PMM2: variants seen among roughly 807,000 people sequenced by gnomAD.
PMM2 encodes the protein phosphomannomutase 2.
PMM2 carries 35 observed loss-of-function variants against 33.2 expected under a neutral mutation model. The observed-to-expected ratio is 1.06, with a 90% CI of 0.81 to 1.40. The LOEUF is 1.40. PMM2 is among the 40% of genes most tolerant of loss of function. The pLI is 0.00. For synonymous variants in PMM2, 153 were observed against 114.7 expected, an observed-to-expected ratio of 1.33 and a Z score of -2.13; for missense variants, 386 against 306.0, an observed-to-expected ratio of 1.26 and a Z score of -1.95.
intron 7 of PMM2, among the ~76,000 whole-genome samples, chr16:8,823,306 G>GA (rs964871488): frequency 1.1e-4 from 17 of 151,162 alleles, no homozygotes; most frequent in African/African-American, 2.4e-4. Flanking sequence ...AGAAAAGTGG[G>GA]AAAAAAAAAT....
chr16:8,803,839 A>G (rs1324049383), intron 2 of PMM2, among the ~76,000 whole-genome samples: 1 of 151,088 alleles, frequency 6.6e-6, no homozygotes, highest in Non-Finnish European at 1.5e-5. Context: ...GCCCACCAGC[A>G]CGCCCGGCTA....
rs1030275154 is a variant in PMM2, at chr16:8,847,907, G to A, written c.*82G>A. ...GCCAGAGCCGAGGGTCCTCCCACAC[G>A]TGCTCACCCACCCGCAGCCTAGGCA... On this transcript the variant is annotated 3_prime_UTR_variant, in exon 8 of 8. Transcript: ENST00000268261. The A allele has an allele frequency of 1.2e-5, 12 of 1,043,470 alleles. No individual in the cohort carries two copies. Among genetic ancestry groups the A allele is most frequent in the South Asian group, 2.6e-5 (2 of 78,250 alleles). 64.6% of individuals were successfully genotyped at this position (1,043,470 alleles called of 1,614,324 possible).
chr16:8,797,958 G>A lies in PMM2; in HGVS notation c.66+10G>A, dbSNP rs747786171. On this transcript the variant is annotated intron_variant, in intron 1 of 7. Transcript: ENST00000268261. ...CACCGCCCCGCGGCAGGTAAGTGGC[G>A]GCCGGCGGGCTGCTGGCAGCCGACG... is the stretch of plus-strand genomic sequence containing the variant. 5 of 1,593,882 alleles carry A rather than the reference G, an allele frequency of 3.1e-6. No individual in the cohort carries two copies. The highest frequency in any genetic ancestry group is 4.3e-6 in the Non-Finnish European group (5 of 1,171,322).
intron 7 of PMM2, among the ~76,000 whole-genome samples, chr16:8,838,173 C>T (rs1596503580): frequency 6.6e-6 from 1 of 152,014 alleles, no homozygotes; most frequent in East Asian, 1.9e-4. Flanking sequence ...TCACAAAGTA[C>T]ATTCTCAAGA....
intron 7 of PMM2, among the ~76,000 whole-genome samples, chr16:8,837,788 T>C (rs1347063164): frequency 1.3e-5 from 2 of 152,008 alleles, no homozygotes; most frequent in African/African-American, 4.8e-5. Flanking sequence ...CGTCCCTGCA[T>C]GGTCTGACAC....
intron 7 of PMM2, among the ~76,000 whole-genome samples, chr16:8,843,857 C>T (rs995345649): frequency 1.3e-5 from 2 of 148,352 alleles, no homozygotes; most frequent in Admixed American, 6.8e-5. Context: ...GAACCTAGCT[C>T]GGCCTGGCGA....
intron 2 of PMM2, among the ~76,000 whole-genome samples, chr16:8,803,945 A>C: frequency 6.6e-6 from 1 of 151,236 alleles, no homozygotes; most frequent in Admixed American, 6.6e-5. Context: ...TGGCCTCCCA[A>C]AGTGCTGGGA....
intron 1 of PMM2, among the ~76,000 whole-genome samples, chr16:8,800,798 C>T (rs2060611506): frequency 6.6e-6 from 1 of 152,164 alleles, no homozygotes; most frequent in South Asian, 2.1e-4. Context: ...ATTCTCCTGC[C>T]TCAGCCTCCC....
At chr16:8,819,681 C>T (rs1258312342) in intron 7 of PMM2, among the ~76,000 whole-genome samples, 5 of 145,662 alleles carry the variant, frequency 3.4e-5, no homozygotes, top group South Asian at 2.2e-4. Context: ...GGCAACAGAG[C>T]GAGACCTCGT....
intron 7 of PMM2, among the ~76,000 whole-genome samples, chr16:8,836,281 C>T (rs1027381664): frequency 1.3e-5 from 2 of 152,052 alleles, no homozygotes; most frequent in African/African-American, 2.4e-5. Context: ...CAGTGTCAGT[C>T]TTCAGCTGCT....
intron 7 of PMM2, among the ~76,000 whole-genome samples, chr16:8,843,866 G>A (rs1019199953): frequency 4.8e-5 from 7 of 147,286 alleles, no homozygotes; most frequent in Non-Finnish European, 7.6e-5. Flanking sequence ...TCGGCCTGGC[G>A]AGGAGGGGAG....
At chr16:8,820,987 A>T (rs188457943) in intron 7 of PMM2, among the ~76,000 whole-genome samples, 12 of 104,916 alleles carry the variant, frequency 1.1e-4, no homozygotes, top group Admixed American at 8.5e-4. Flanking sequence ...TTTGGATGGC[A>T]GTTGGCCTTT....
intron 7 of PMM2, among the ~76,000 whole-genome samples, chr16:8,834,674 C>T (rs1275598553): frequency 3.4e-3 from 516 of 151,482 alleles, no homozygotes; most frequent in Middle Eastern, 6.8e-3. Flanking sequence ...TAGATTTCCA[C>T]GATGGAAAGG....
intron 7 of PMM2, among the ~76,000 whole-genome samples, chr16:8,827,630 A>G: frequency 6.9e-6 from 1 of 144,134 alleles, no homozygotes; most frequent in African/African-American, 2.6e-5. Context: ...TCCTGACCTC[A>G]AGTGATCCCC....
At chr16:8,815,439 C>A (rs747097510) in intron 7 of PMM2, among the ~76,000 whole-genome samples, 2 of 152,146 alleles carry the variant, frequency 1.3e-5, no homozygotes, top group East Asian at 3.9e-4. Flanking sequence ...CCACATTGGC[C>A]AGGCTGGTCT....
At chr16:8,827,181 G>A (rs866421966) in intron 7 of PMM2, among the ~76,000 whole-genome samples, 1 of 152,048 alleles carries the variant, frequency 6.6e-6, no homozygotes, top group Non-Finnish European at 1.5e-5. Flanking sequence ...AACAGGGTCT[G>A]TGGAGCCTTC....
chr16:8,832,599 G>C (rs938378278), intron 7 of PMM2: 2 of 985,270 alleles, frequency 2.0e-6, no homozygotes, highest in African/African-American at 3.5e-5. Context: ...CCCAGGTAAT[G>C]GCCTCTGTCC....
intron 7 of PMM2, among the ~76,000 whole-genome samples, chr16:8,847,102 G>A (rs926437819): frequency 6.6e-6 from 1 of 152,138 alleles, no homozygotes; most frequent in African/African-American, 2.4e-5. Flanking sequence ...GACCTCAAGT[G>A]ATCCACCCTT....
intron 7 of PMM2, among the ~76,000 whole-genome samples, chr16:8,816,228 GCTATTCTTATAC>G (rs749811363): frequency 6.6e-6 from 1 of 152,046 alleles, no homozygotes; most frequent in East Asian, 1.9e-4. Context: ...CTGAGTTCAA[GCTATTCTTATAC>G]CTCAGCCTCC....
Sources: gnomAD v4.1 joint callset for allele counts (sites outside exome capture counted in the v4.1 genomes callset) on GRCh38, gnomAD v4.1.1 for gene constraint, MANE v1.5 for transcripts, NCBI Gene and HGNC (gene_info 2026-07-23, HGNC 2026-07-21) for gene names.